Variants in ARHGAP10 observed in about 807,000 individuals in gnomAD.
ARHGAP10 encodes Rho GTPase activating protein 10.
A neutral mutation model predicts 108.6 loss-of-function variants in ARHGAP10; 87 were observed. The ratio of observed to expected loss-of-function variants is 0.80; its 90% confidence interval spans 0.67 to 0.96. The LOEUF is 0.96. ARHGAP10 is among the 40% of genes least tolerant of loss of function. The pLI, the probability that ARHGAP10 is intolerant of heterozygous loss-of-function variation, is 0.00. For missense variants in ARHGAP10, 939 were observed against 954.5 expected, an observed-to-expected ratio of 0.98 and a Z score of 0.21; for synonymous variants, 347 against 341.1, an observed-to-expected ratio of 1.02 and a Z score of -0.19.
At chr4:147,889,551 C>G (rs1405868827) in intron 10 of ARHGAP10, among the ~76,000 whole-genome samples, 3 of 152,260 alleles carry the variant, frequency 2.0e-5, no homozygotes, top group Non-Finnish European at 4.4e-5. Flanking sequence ...CTGCCTGCCT[C>G]TGCCTCCCAA....
intron 1 of ARHGAP10, among the ~76,000 whole-genome samples, chr4:147,801,319 C>T (rs1199483534): frequency 6.6e-6 from 1 of 152,118 alleles, no homozygotes; most frequent in African/African-American, 2.4e-5. Flanking sequence ...TTAATGAATC[C>T]ACTATTTGTT....
At chr4:147,974,097 T>G (rs978133158) in intron 18 of ARHGAP10, among the ~76,000 whole-genome samples, 2 of 152,172 alleles carry the variant, frequency 1.3e-5, no homozygotes, top group Non-Finnish European at 2.9e-5. Context: ...TATTTTTAGT[T>G]TTTTGAGGAA....
chr4:147,929,077 A>G (rs1737571701), intron 13 of ARHGAP10, among the ~76,000 whole-genome samples: 3 of 152,324 alleles, frequency 2.0e-5, no homozygotes, highest in Admixed American at 2.0e-4. Flanking sequence ...ACACATTTGT[A>G]TTTCCAAGAT....
intron 1 of ARHGAP10, among the ~76,000 whole-genome samples, chr4:147,752,825 C>T (rs1729216845): frequency 6.6e-6 from 1 of 152,212 alleles, no homozygotes; most frequent in Non-Finnish European, 1.5e-5. Context: ...CCGCACCTGG[C>T]CTGCTTTACT....
chr4:148,053,872 T>G lies in ARHGAP10; in HGVS notation c.2027+6821T>G, dbSNP rs112871914. On this transcript the variant is annotated intron_variant, in intron 20 of 22. Coordinates refer to ENST00000336498, the MANE Select transcript of ARHGAP10 (RefSeq NM_024605.4). ...GCCTAATTCGTGCCTTCCTTTGCTG[T>G]GCTGTAGCTGCAGGTGCTGAAATTT... Among the ~76,000 whole-genome samples the G allele has an allele frequency of 2.1e-3, 320 of 152,330 alleles. 1 individual carries two copies. Among genetic ancestry groups the G allele is most frequent in the African/African-American group, 7.2e-3 (299 of 41,566 alleles).
rs371590691 is a variant in ARHGAP10 at position 147,913,533 on chromosome 4, C to T, written c.1228+394C>T. Among the ~76,000 whole-genome samples, 35 of 152,246 alleles carry T rather than the reference C, an allele frequency of 2.3e-4. No individual in the cohort carries two copies. In the South Asian group the frequency reaches 7.1e-3, roughly 31 times the overall value. On this transcript the variant is annotated intron_variant, in intron 13 of 22. Transcript: ENST00000336498. ...CTCCCCACTTGGCTTGCAGGTGGCC[C>T]CCTTCCCGCTTTGTCCTTAGAATGC...
At chr4:147,736,703 G>C (rs911036550) in intron 1 of ARHGAP10, among the ~76,000 whole-genome samples, 3 of 152,184 alleles carry the variant, frequency 2.0e-5, no homozygotes, top group Non-Finnish European at 4.4e-5. Context: ...ATCTAACTCA[G>C]TGGTTCTCAA....
intron 4 of ARHGAP10, among the ~76,000 whole-genome samples, chr4:147,855,925 T>A (rs903294091): frequency 6.6e-6 from 1 of 152,206 alleles, no homozygotes; most frequent in African/African-American, 2.4e-5. Context: ...CTTTGTTTAA[T>A]CTCTTTGCCT....
At chr4:147,773,248 T>C (rs1320705651) in intron 1 of ARHGAP10, among the ~76,000 whole-genome samples, 4 of 152,220 alleles carry the variant, frequency 2.6e-5, no homozygotes, top group African/African-American at 9.6e-5. Context: ...TACATATGTA[T>C]GTATATATTA....
intron 1 of ARHGAP10, among the ~76,000 whole-genome samples, chr4:147,794,627 T>C (rs927240991): frequency 2.0e-5 from 3 of 152,176 alleles, no homozygotes; most frequent in African/African-American, 7.2e-5. Context: ...TTTCTGGAAA[T>C]TGAGTTATAT....
chr4:147,770,108 C>T (rs1013403211), intron 1 of ARHGAP10, among the ~76,000 whole-genome samples: 34 of 152,206 alleles, frequency 2.2e-4, no homozygotes, highest in African/African-American at 7.5e-4. Flanking sequence ...CTTGCCACCA[C>T]TGACTTAGAC....
In ARHGAP10 at chr4:147,965,029, G is replaced by T; in HGVS notation, c.1456G>T (p.Gly486Cys). ...TATTATTTTTTTTTTGGAAGAAAGC[G>T]GCAGCCCAGAATCTCGTGTTAATGC... The part of the protein sequence containing the change: ...HGDFIVPAKS[G>C]SPESRVNAIH... Residue 486 changes from glycine to cysteine, a missense_variant, in exon 17 of 23, where the codon GGC becomes TGC. Transcript: ENST00000336498. 1.3e-6 allele frequency: 2 copies of T among 1,524,746 alleles called. No homozygotes were observed. The highest frequency in any genetic ancestry group is 2.4e-5 in the East Asian group (1 of 41,988). The allele number at this position is 1,524,746 out of a possible 1,614,324, so 94.5% of individuals were successfully genotyped here.
intron 1 of ARHGAP10, among the ~76,000 whole-genome samples, chr4:147,794,807 GT>G (rs1197153680): frequency 6.6e-6 from 1 of 152,132 alleles, no homozygotes; most frequent in African/African-American, 2.4e-5. Flanking sequence ...ACCATTTAGT[GT>G]TTTTTGAAAC....
chr4:147,881,784 TG>T, intron 9 of ARHGAP10, 53 bp from the exon 10 acceptor site: 1 of 1,524,880 alleles, frequency 6.6e-7, no homozygotes, highest in Non-Finnish European at 9.1e-7. Flanking sequence ...AATGGCTGAG[TG>T]TGTATATACT....
At chr4:148,000,080 C>A (rs1016370123) in intron 18 of ARHGAP10, among the ~76,000 whole-genome samples, 1 of 152,078 alleles carries the variant, frequency 6.6e-6, no homozygotes, top group African/African-American at 2.4e-5. Context: ...TCCCCCTCTC[C>A]CCACCCCATG....
intron 12 of ARHGAP10, among the ~76,000 whole-genome samples, chr4:147,910,628 A>C (rs765132886): frequency 6.6e-6 from 1 of 152,192 alleles, no homozygotes; most frequent in African/African-American, 2.4e-5. Flanking sequence ...TTCACATGCC[A>C]CTGCTGTACT....
intron 7 of ARHGAP10, among the ~76,000 whole-genome samples, chr4:147,872,876 A>G (rs1734891601): frequency 6.6e-6 from 1 of 152,218 alleles, no homozygotes. Flanking sequence ...CACAAAGTTC[A>G]AGCCTGTGTT....
intron 1 of ARHGAP10, among the ~76,000 whole-genome samples, chr4:147,798,711 A>T (rs1457813541): frequency 1.4e-5 from 2 of 138,488 alleles, no homozygotes; most frequent in Non-Finnish European, 1.5e-5. Context: ...ACGTGAGGTC[A>T]GGAGTTTGAG....
intron 22 of ARHGAP10, among the ~76,000 whole-genome samples, chr4:148,070,869 C>A (rs1397705442): frequency 6.6e-6 from 1 of 152,198 alleles, no homozygotes; most frequent in Non-Finnish European, 1.5e-5. Flanking sequence ...GGCCTGCTCA[C>A]AGCTGGGGGT....
Sources: allele counts gnomAD v4.1 joint callset (sites outside exome capture counted in the v4.1 genomes callset), GRCh38; gene constraint gnomAD v4.1.1; transcripts MANE v1.5; gene names NCBI Gene and HGNC (gene_info 2026-07-23, HGNC 2026-07-21).